The following DIAPH1 variants were observed in gnomAD, a reference collection of about 807,000 sequenced individuals.
The protein encoded by DIAPH1 is diaphanous related formin 1.
In DIAPH1, 46 loss-of-function variants were observed where a neutral mutation model predicts 140.7. That is an observed-to-expected ratio of 0.33 (90% CI 0.26 to 0.42). The LOEUF is 0.42. Among genes scored for constraint, DIAPH1 ranks in the 10% least tolerant of loss-of-function variants. The probability of loss-of-function intolerance (pLI) is 1.00; values close to 1 mark genes in which losing one functional copy is unlikely to be tolerated. For missense variants in DIAPH1, 1,310 were observed against 1,558.7 expected, an observed-to-expected ratio of 0.84 and a Z score of 2.69; for synonymous variants, 565 against 551.6, an observed-to-expected ratio of 1.02 and a Z score of -0.34.
In DIAPH1 at chr5:141,543,904, A is replaced by G. The variant is rs563952291; in HGVS notation, c.2483-9471T>C. Among the ~76,000 whole-genome samples, 13 of 152,386 alleles carry G rather than the reference A, an allele frequency of 8.5e-5. No individual in the cohort carries two copies. The South Asian group carries it at 2.7e-3, about 32-fold the overall frequency. On this transcript the variant is annotated intron_variant, in intron 18 of 27. Transcript: ENST00000389054. ...CATATAGACAAGCATGCATCTATACAACGGACCATAGAACTAAATGGAAAA... is the reference window on the plus strand; with the variant it reads ...CATATAGACAAGCATGCATCTATACGACGGACCATAGAACTAAATGGAAAA...
At chr5:141,613,159 A>AT (rs1392566818) in intron 1 of DIAPH1, among the ~76,000 whole-genome samples, 1 of 152,148 alleles carries the variant, frequency 6.6e-6, no homozygotes, top group Non-Finnish European at 1.5e-5. Context: ...CCCATCCTCC[A>AT]TAAGAGAATG....
At chr5:141,581,589 G>C (rs990543868) in intron 7 of DIAPH1, among the ~76,000 whole-genome samples, 1 of 152,202 alleles carries the variant, frequency 6.6e-6, no homozygotes, top group East Asian at 1.9e-4. Flanking sequence ...ATGAGGAAGA[G>C]AGATTTGTCC....
At chr5:141,521,423 T>C (rs948140760) in intron 27 of DIAPH1, among the ~76,000 whole-genome samples, 3 of 152,134 alleles carry the variant, frequency 2.0e-5, no homozygotes, top group African/African-American at 7.2e-5. Context: ...TTCTTCCCCT[T>C]GACACTCCAA....
chr5:141,551,570 A>G (rs1365806246), intron 18 of DIAPH1, among the ~76,000 whole-genome samples: 2 of 152,228 alleles, frequency 1.3e-5, no homozygotes, highest in Non-Finnish European at 2.9e-5. Flanking sequence ...AAATATTAAC[A>G]GTTGATTTGG....
chr5:141,567,555 A>G (rs772268599), intron 18 of DIAPH1, among the ~76,000 whole-genome samples: 4 of 152,216 alleles, frequency 2.6e-5, no homozygotes, highest in Non-Finnish European at 4.4e-5. Flanking sequence ...GAGTGGAATA[A>G]GAAACTGATG....
At chr5:141,583,402 T>C (rs1281501690) in intron 5 of DIAPH1, 83 bp downstream of exon 5, 10 of 1,610,832 alleles carry the variant, frequency 6.2e-6, no homozygotes, top group Non-Finnish European at 8.5e-6. Context: ...TTCTCATGCT[T>C]CCCTGGCTCC....
intron 15 of DIAPH1, 115 bp from the exon 16 acceptor site, chr5:141,574,323 TGA>T: frequency 9.5e-7 from 1 of 1,058,006 alleles, no homozygotes; most frequent in Non-Finnish European, 1.4e-6. Flanking sequence ...ATGGAGGAAC[TGA>T]GAGGAGTCAG....
rs371127966 is a variant in DIAPH1 at position 141,526,022 on chromosome 5, C to T, written c.3574+16G>A. 154 of 1,613,622 alleles carry T rather than the reference C, an allele frequency of 9.5e-5. No homozygotes were observed. The highest frequency in any genetic ancestry group is 1.4e-4 in the South Asian group (13 of 91,088). ...ACATTCCTATCTCAGCCCATCAACC[C>T]GTCTTCACTCCTCACCTGCATTCAT... On this transcript the variant is annotated intron_variant, in intron 26 of 27. Coordinates refer to ENST00000389054, the MANE Select transcript of DIAPH1 (RefSeq NM_005219.5).
At chr5:141,595,125 T>C (rs1441734219) in intron 1 of DIAPH1, among the ~76,000 whole-genome samples, 2 of 151,358 alleles carry the variant, frequency 1.3e-5, no homozygotes, top group African/African-American at 2.4e-5. Flanking sequence ...AAGGCAAAAC[T>C]ATGGAAAAAG....
chr5:141,588,018 T>A (rs1223322478), intron 2 of DIAPH1, among the ~76,000 whole-genome samples: 4 of 152,194 alleles, frequency 2.6e-5, no homozygotes, highest in Admixed American at 2.6e-4. Flanking sequence ...TTAAAGAGCA[T>A]GCCTAACTTC....
At chr5:141,571,677 C>G (rs2099895211) in intron 17 of DIAPH1, 1 of 655,010 alleles carries the variant, frequency 1.5e-6, no homozygotes, top group South Asian at 1.7e-5. Context: ...TCACTTTAAT[C>G]TCATATCCCT....
At chr5:141,528,617 A>G in intron 22 of DIAPH1, 35 bp from the exon 23 acceptor site, 1 of 1,614,216 alleles carries the variant, frequency 6.2e-7, no homozygotes, top group Non-Finnish European at 8.5e-7. Context: ...AAATCCTGAC[A>G]TGTCCAAGAT....
intron 18 of DIAPH1, chr5:141,561,052 G>C (rs1345918109): frequency 2.5e-6 from 1 of 399,082 alleles, no homozygotes; most frequent in East Asian, 7.3e-5. Flanking sequence ...AGCCAAAATA[G>C]CTCAACTGCG....
In DIAPH1 at chr5:141,574,133, G is replaced by T; in HGVS notation, c.1717C>A (p.Pro573Thr). The T allele has an allele frequency of 7.4e-6, 12 of 1,613,996 alleles. No homozygotes were observed. Among genetic ancestry groups the T allele is most frequent in the Non-Finnish European group, 1.0e-5 (12 of 1,180,016 alleles). Residue 573 changes from proline to threonine, a missense_variant, in exon 16 of 28, where the codon CCT becomes ACT. By Grantham distance (38) the Pro-to-Thr change is conservative. Transcript: ENST00000389054. Reference protein sequence around the residue: ...ASLSAAAITVPPSVPSRAPVP... With the variant: ...ASLSAAAITVTPSVPSRAPVP... ...GGAGCACGACTAGGAACAGAAGGAG[G>T]TACAGTAATAGCTGCCGCAGAGAGG...
In DIAPH1 at chr5:141,587,198, C is replaced by T. The variant is rs763349669; in HGVS notation, c.145-1G>A. 15 of 1,613,746 alleles carry T rather than the reference C, an allele frequency of 9.3e-6. No homozygotes were observed. In the Admixed American group the frequency reaches 2.3e-4, roughly 25 times the overall value. Reference sequence around the variant, plus strand: ...TTCTCATGCTGGTAAATCTCTCCAGCTGAGAAACAGAAAAAAGCATTAGCA... The same window carrying T: ...TTCTCATGCTGGTAAATCTCTCCAGTTGAGAAACAGAAAAAAGCATTAGCA... On this transcript the variant is annotated splice_acceptor_variant, in intron 2 of 27. Coordinates refer to ENST00000389054, the MANE Select transcript of DIAPH1 (RefSeq NM_005219.5). LOFTEE classifies it high-confidence loss of function.
intron 18 of DIAPH1, among the ~76,000 whole-genome samples, chr5:141,567,602 AG>A (rs2099894576): frequency 6.6e-6 from 1 of 152,238 alleles, no homozygotes; most frequent in African/African-American, 2.4e-5. Context: ...TCACTGAACA[AG>A]GTAGAGCAGG....
At chr5:141,587,836 A>T (rs925196006) in intron 2 of DIAPH1, among the ~76,000 whole-genome samples, 19 of 152,240 alleles carry the variant, frequency 1.2e-4, no homozygotes, top group Non-Finnish European at 1.3e-4. Flanking sequence ...TGCCAAACAA[A>T]TGCTAACAAG....
intron 18 of DIAPH1, among the ~76,000 whole-genome samples, chr5:141,553,580 T>A (rs1160231221): frequency 1.3e-5 from 2 of 151,502 alleles, no homozygotes; most frequent in African/African-American, 4.9e-5. Flanking sequence ...GAGGCAGAGG[T>A]TGCGGTGAGC....
chr5:141,536,172 C>T (rs146492267), intron 18 of DIAPH1: 118 of 358,088 alleles, frequency 3.3e-4, no homozygotes, highest in Admixed American at 2.8e-3. Context: ...CATGGTGGCG[C>T]GCACCTGTAG....
Sources: gnomAD v4.1 joint callset for allele counts (sites outside exome capture counted in the v4.1 genomes callset) on GRCh38, gnomAD v4.1.1 for gene constraint, MANE v1.5 for transcripts, NCBI Gene and HGNC (gene_info 2026-07-23, HGNC 2026-07-21) for gene names.